CMYA5: variants seen among roughly 807,000 people sequenced by gnomAD.
CMYA5 encodes cardiomyopathy associated 5.
Under a neutral mutation model 318.9 loss-of-function variants are expected in CMYA5, and 246 were observed. That is an observed-to-expected ratio of 0.77 (90% CI 0.70 to 0.86). The LOEUF is 0.86. CMYA5 is among the 40% of genes least tolerant of loss of function. CMYA5 has a pLI of 0.00. For missense variants in CMYA5, 4,589 were observed against 4,678.2 expected (o/e 0.98, Z 0.56); for synonymous variants, 1,641 against 1,729.5 (o/e 0.95, Z 1.27).
At chr5:79,714,029 GA>G (rs1410367144) in intron 1 of CMYA5, among the ~76,000 whole-genome samples, 1 of 152,148 alleles carries the variant, frequency 6.6e-6, no homozygotes, top group Non-Finnish European at 1.5e-5. Context: ...AAAGCCCTAG[GA>G]AAGACAGAAT....
chr5:79,721,409 G>C (rs936635131), intron 1 of CMYA5, among the ~76,000 whole-genome samples: 6 of 152,056 alleles, frequency 3.9e-5, no homozygotes, highest in Non-Finnish European at 8.8e-5. Flanking sequence ...TAAATAATAA[G>C]ATGGCAAATT....
At chr5:79,751,874 A>G (rs1293549740) in intron 5 of CMYA5, among the ~76,000 whole-genome samples, 1 of 152,218 alleles carries the variant, frequency 6.6e-6, no homozygotes, top group South Asian at 2.1e-4. Context: ...TTGAACAGAG[A>G]TCTAAATTAA....
Position 79,738,661 on chromosome 5 carries a change from A to G in CMYA5, c.9896A>G (p.Lys3299Arg), listed in dbSNP as rs747500631. The G allele has an allele frequency of 3.7e-6, 6 of 1,613,824 alleles. No homozygotes were observed. The highest frequency in any genetic ancestry group is 3.3e-5 in the Admixed American group (2 of 59,984). The change falls in exon 2 of 13, where the codon AAA becomes AGA. Residue 3299 changes from lysine (K) to arginine (R), a missense_variant. By Grantham distance (26) the Lys-to-Arg change is conservative (BLOSUM62 2). Transcript: ENST00000446378. ...AGGGAGAAGAGTCTGGAAGAACAGA[A>G]AGGTGTTTATGGGGAAGGAGAATCA... ...ICREKSLEEQ[K>R]GVYGEGESVD... is the part of the protein sequence containing the mutation.
chr5:79,714,439 T>TTCTTTTC (rs1827475460), intron 1 of CMYA5, among the ~76,000 whole-genome samples: 1 of 144,100 alleles, frequency 6.9e-6, no homozygotes, highest in South Asian at 2.2e-4. Context: ...TTCTTTTTTT[T>TTCTTTTC]TTTTTTTTTT....
At position 79,734,778 on chromosome 5, in the gene CMYA5, G is replaced by A. The variant is rs1434960394; in HGVS notation, c.6013G>A (p.Ala2005Thr). ...AGCTGGAAATGTAGAGAGAAACATA[G>A]CAGAGGGGAAGGAGATTCATTCTTT... The part of the protein sequence containing the change: ...VLAGNVERNI[A>T]EGKEIHSLME... The change falls in exon 2 of 13, where the codon GCA becomes ACA. Residue 2005 changes from alanine to threonine, a missense_variant. Ala to Thr is a moderately conservative substitution (Grantham distance 58, BLOSUM62 0). Transcript: ENST00000446378. 1.2e-6 allele frequency: 2 copies of A among 1,613,786 alleles called. No individual in the cohort carries two copies. The highest frequency in any genetic ancestry group is 2.2e-5 in the South Asian group (2 of 91,074).
At chr5:79,771,578 G>A (rs529376060) in intron 9 of CMYA5, among the ~76,000 whole-genome samples, 1 of 152,304 alleles carries the variant, frequency 6.6e-6, no homozygotes, top group South Asian at 2.1e-4. Flanking sequence ...CATCTCACTA[G>A]GGAACAGTGA....
intron 9 of CMYA5, among the ~76,000 whole-genome samples, chr5:79,783,281 A>G (rs1580804681): frequency 1.3e-4 from 2 of 15,576 alleles, no homozygotes; most frequent in Non-Finnish European, 1.9e-4. Context: ...TTCTGCCGAG[A>G]GATCCGCTGT....
chr5:79,755,512 C>A (rs905859119), intron 6 of CMYA5, among the ~76,000 whole-genome samples: 26 of 152,126 alleles, frequency 1.7e-4, no homozygotes, highest in Non-Finnish European at 4.4e-5. Flanking sequence ...GTCTCCTACT[C>A]CTGAACTCAA....
chr5:79,743,566 A>G (rs1220483312), intron 2 of CMYA5, among the ~76,000 whole-genome samples: 1 of 151,088 alleles, frequency 6.6e-6, no homozygotes, highest in Non-Finnish European at 1.5e-5. Flanking sequence ...GTTTATCAAG[A>G]AAGTCCATTC....
intron 2 of CMYA5, among the ~76,000 whole-genome samples, chr5:79,742,224 C>G (rs548706904): frequency 5.4e-5 from 8 of 149,380 alleles, no homozygotes; most frequent in African/African-American, 2.0e-4. Context: ...GGGTCTCACT[C>G]TGTTGCCCAG....
intron 6 of CMYA5, among the ~76,000 whole-genome samples, chr5:79,753,551 C>G (rs931995131): frequency 2.0e-5 from 3 of 151,978 alleles, no homozygotes; most frequent in Non-Finnish European, 2.9e-5. Flanking sequence ...GGGTTCGAAT[C>G]CAGCCTGGGC....
chr5:79,771,702 A>G (rs1464890840), intron 9 of CMYA5, among the ~76,000 whole-genome samples: 1 of 152,174 alleles, frequency 6.6e-6, no homozygotes, highest in Non-Finnish European at 1.5e-5. Context: ...CAGCAATCCT[A>G]TGAGGCAGTT....
At chr5:79,775,077 T>C (rs2151097832) in intron 9 of CMYA5, among the ~76,000 whole-genome samples, 1 of 152,196 alleles carries the variant, frequency 6.6e-6, no homozygotes. Flanking sequence ...TCTTATTGAG[T>C]AATTAAAAGC....
intron 9 of CMYA5, among the ~76,000 whole-genome samples, chr5:79,785,729 C>T (rs1432374565): frequency 1.3e-5 from 2 of 151,896 alleles, no homozygotes; most frequent in South Asian, 2.1e-4. Context: ...GTAATTTTAC[C>T]TCCTCCCTCC....
chr5:79,758,717 C>G (rs1304622618), intron 6 of CMYA5, 36 bp from the exon 7 acceptor site: 1 of 1,521,362 alleles, frequency 6.6e-7, no homozygotes. Flanking sequence ...TTAATAAAAA[C>G]AGCATTAGTT....
intron 12 of CMYA5, among the ~76,000 whole-genome samples, chr5:79,793,992 G>A (rs998163224): frequency 6.6e-6 from 1 of 152,138 alleles, no homozygotes; most frequent in African/African-American, 2.4e-5. Flanking sequence ...GGGGCAGCTG[G>A]GTTTTGCATC....
chr5:79,734,893 C>T lies in CMYA5; in HGVS notation c.6128C>T (p.Pro2043Leu), dbSNP rs774097946. Residue 2043 changes from proline to leucine, a missense_variant, in exon 2 of 13, where the codon CCT becomes CTT. Physicochemically the swap from Pro to Leu is moderately conservative, Grantham distance 98. This residue lies in a region of CMYA5 where 2,431 missense variants were observed against 2,495.1 expected (regional missense o/e 0.97). Coordinates refer to ENST00000446378, the MANE Select transcript of CMYA5 (RefSeq NM_153610.5). ...KEDSQEKIKL[P>L]PERFFQKPVS... Reference sequence around the variant, plus strand: ...GATAGCCAGGAAAAAATTAAACTACCTCCTGAAAGATTCTTCCAGAAACCA... The same window carrying T: ...GATAGCCAGGAAAAAATTAAACTACTTCCTGAAAGATTCTTCCAGAAACCA... The T allele has an allele frequency of 3.1e-6, 5 of 1,613,698 alleles. No homozygotes were observed. Among genetic ancestry groups the T allele is most frequent in the Non-Finnish European group, 4.2e-6 (5 of 1,179,808 alleles).
rs1284380166 is a variant in CMYA5, at chr5:79,793,417, C to G, written c.11790-20C>G. The stretch of plus-strand genomic sequence containing the variant: ...CGGCGATTCCTGCACTGAGCATACT[C>G]TGATTGACTTCACCCACAGAATCCC... On this transcript the variant is annotated intron_variant, in intron 11 of 12. Transcript: ENST00000446378. The G allele has an allele frequency of 6.2e-6, 10 of 1,604,742 alleles. No individual in the cohort carries two copies. The highest frequency in any genetic ancestry group is 8.5e-6 in the Non-Finnish European group (10 of 1,172,940).
chr5:79,699,578 G>A (rs1827137388), intron 1 of CMYA5, among the ~76,000 whole-genome samples: 1 of 152,200 alleles, frequency 6.6e-6, no homozygotes, highest in Non-Finnish European at 1.5e-5. Flanking sequence ...GGAAGTGGGT[G>A]CCTAGAAGAG....
Sources: allele counts gnomAD v4.1 joint callset (sites outside exome capture counted in the v4.1 genomes callset), GRCh38; gene constraint gnomAD v4.1.1; regional missense constraint gnomAD v4.1.1; transcripts MANE v1.5; gene names NCBI Gene and HGNC (gene_info 2026-07-23, HGNC 2026-07-21).